The following XRN1 variants were observed in gnomAD, a reference collection of about 807,000 sequenced individuals.
The protein encoded by XRN1 is strand-exchange protein 1 homolog.
XRN1 carries 67 observed loss-of-function variants against 222.3 expected under a neutral mutation model. That is an observed-to-expected ratio of 0.30 (90% CI 0.25 to 0.37). XRN1 has a LOEUF of 0.37. Ranked by LOEUF, XRN1 falls within the 10% of genes least tolerant of loss-of-function variation. XRN1 has a pLI of 1.00. For synonymous variants in XRN1, 643 were observed against 652.4 expected, an observed-to-expected ratio of 0.99 and a Z score of 0.22; for missense variants, 1,707 against 2,000.2, an observed-to-expected ratio of 0.85 and a Z score of 2.80.
At chr3:142,376,881 G>GT (rs1290332063) in intron 23 of XRN1, among the ~76,000 whole-genome samples, 1 of 152,038 alleles carries the variant, frequency 6.6e-6, no homozygotes, top group African/African-American at 2.4e-5. Flanking sequence ...AAACTCTACT[G>GT]TAAGTACTAA....
chr3:142,343,361 G>C (rs1284079280), intron 33 of XRN1, among the ~76,000 whole-genome samples: 1 of 151,982 alleles, frequency 6.6e-6, no homozygotes, highest in East Asian at 1.9e-4. Context: ...GGCTGAGGCA[G>C]GAGAATCGCT....
intron 19 of XRN1, among the ~76,000 whole-genome samples, chr3:142,398,434 A>G (rs2068011874): frequency 6.6e-6 from 1 of 151,306 alleles, no homozygotes; most frequent in Admixed American, 6.6e-5. Flanking sequence ...TGGAGTGATC[A>G]TAGCTCACTG....
intron 37 of XRN1, among the ~76,000 whole-genome samples, chr3:142,324,494 G>A (rs1354490298): frequency 4.0e-5 from 6 of 151,866 alleles, no homozygotes; most frequent in Non-Finnish European, 2.9e-5. Flanking sequence ...CCAGTCTATC[G>A]TTGTTGGACA....
chr3:142,390,741 T>G (rs993185131), intron 20 of XRN1, among the ~76,000 whole-genome samples: 1 of 152,260 alleles, frequency 6.6e-6, no homozygotes, highest in Non-Finnish European at 1.5e-5. Flanking sequence ...AACTATTTGG[T>G]GCAAGAAGCC....
chr3:142,315,303 T>C (rs1300847853), intron 39 of XRN1, among the ~76,000 whole-genome samples: 2 of 152,008 alleles, frequency 1.3e-5, no homozygotes, highest in East Asian at 3.9e-4. Flanking sequence ...ATAAACAATG[T>C]TTTGTTTTGG....
In XRN1 at chr3:142,432,822, A is replaced by G. The variant is rs1371635479; in HGVS notation, c.147T>C (p.Asp49=). The G allele has an allele frequency of 1.2e-6, 2 of 1,614,044 alleles. No homozygotes were observed. Among genetic ancestry groups the G allele is most frequent in the Admixed American group, 3.3e-5 (2 of 60,020 alleles). ...CATCTGAAATTCTAAAGTGAACATC[A>G]TCATCATTAGGATGGGAGCACTGAT... ...IIHQCSHPND[D]DVHFRISDDK... is the part of the protein sequence containing the mutation. Residue 49 remains aspartate (D), a synonymous_variant, in exon 2 of 41, where the codon GAT becomes GAC. Transcript: ENST00000392981.
At chr3:142,412,274 T>G (rs1234727431) in intron 15 of XRN1, among the ~76,000 whole-genome samples, 1 of 152,234 alleles carries the variant, frequency 6.6e-6, no homozygotes, top group Non-Finnish European at 1.5e-5. Context: ...CTTCTTGAAC[T>G]GAACTGACTC....
At chr3:142,312,221 G>A (rs2065096608) in intron 40 of XRN1, among the ~76,000 whole-genome samples, 1 of 152,048 alleles carries the variant, frequency 6.6e-6, no homozygotes, top group Non-Finnish European at 1.5e-5. Context: ...AGGCTGCAGG[G>A]AGTCGAGATT....
At chr3:142,346,834 C>T (rs1194733905) in intron 33 of XRN1, among the ~76,000 whole-genome samples, 4 of 152,116 alleles carry the variant, frequency 2.6e-5, no homozygotes, top group Admixed American at 2.6e-4. Flanking sequence ...GTGGAACCCA[C>T]AGGTACAGAG....
intron 24 of XRN1, 100 bp from the exon 25 acceptor site, chr3:142,376,044 A>G (rs897203639): frequency 7.1e-7 from 1 of 1,407,964 alleles, no homozygotes; most frequent in African/African-American, 1.5e-5. Context: ...TTTTGCTTTC[A>G]ATTCTTAGAA....
chr3:142,315,983 G>T (rs1258807092), intron 39 of XRN1, among the ~76,000 whole-genome samples: 1 of 151,878 alleles, frequency 6.6e-6, no homozygotes, highest in Non-Finnish European at 1.5e-5. Flanking sequence ...ACAAAATTTA[G>T]TTTTTTTGCA....
chr3:142,365,460 G>C, intron 27 of XRN1, 94 bp from the exon 28 acceptor site: 1 of 882,050 alleles, frequency 1.1e-6, no homozygotes, highest in Non-Finnish European at 1.6e-6. Flanking sequence ...ATTTTAAAAA[G>C]CCAAATGAAG....
chr3:142,384,604 T>G lies in XRN1; in HGVS notation c.2421A>C (p.Gln807His). The change falls in exon 21 of 41, where the codon CAA (glutamine) becomes CAC (histidine). Residue 807 changes from glutamine (Q) to histidine (H), a missense_variant. Coordinates refer to ENST00000392981, the MANE Select transcript of XRN1 (RefSeq NM_001282857.2). ...GACGAACTTCACCATTTTGATTTAT[T>G]TGATATTTACGACCTGTGAGTAACT... ...YAQLLTGRKYQINQNGEVRLE... is the reference protein window; with the variant it reads ...YAQLLTGRKYHINQNGEVRLE... 1 of 1,613,322 alleles carries G rather than the reference T, an allele frequency of 6.2e-7. No homozygotes were observed. The highest frequency in any genetic ancestry group is 8.5e-7 in the Non-Finnish European group (1 of 1,179,668).
In XRN1 at chr3:142,414,119, C is replaced by T; in HGVS notation, c.1593+16G>A. 1 of 1,582,646 alleles carries T rather than the reference C, an allele frequency of 6.3e-7. No individual in the cohort carries two copies. ...ATATCAAAAAGGACATAAAAACATT[C>T]AATTCTAAGACCCACCTGGTAGCAT... On this transcript the variant is annotated intron_variant, in intron 14 of 40. Coordinates refer to ENST00000392981, the MANE Select transcript of XRN1 (RefSeq NM_001282857.2).
At chr3:142,430,277 T>G (rs1363152499) in intron 2 of XRN1, among the ~76,000 whole-genome samples, 1 of 152,176 alleles carries the variant, frequency 6.6e-6, no homozygotes, top group Admixed American at 6.5e-5. Context: ...ATTACACCCC[T>G]TTTTGTCTGA....
At chr3:142,379,968 C>T in intron 23 of XRN1, 114 bp downstream of exon 23, 1 of 790,942 alleles carries the variant, frequency 1.3e-6, no homozygotes, top group East Asian at 2.7e-5. Context: ...GAGAGAGAAT[C>T]TAATCATTAT....
chr3:142,404,063 G>T, intron 16 of XRN1, 74 bp from the exon 17 acceptor site: 1 of 1,265,996 alleles, frequency 7.9e-7, no homozygotes, highest in African/African-American at 1.5e-5. Flanking sequence ...ACTTTCCCTT[G>T]TATATTTCGT....
chr3:142,441,901 C>A (rs1038774901), intron 1 of XRN1, among the ~76,000 whole-genome samples: 1 of 152,120 alleles, frequency 6.6e-6, no homozygotes, highest in Non-Finnish European at 1.5e-5. Context: ...ATACTGAATT[C>A]GCATACAATT....
At chr3:142,337,211 G>A (rs577742911) in intron 33 of XRN1, among the ~76,000 whole-genome samples, 3 of 152,238 alleles carry the variant, frequency 2.0e-5, no homozygotes, top group Admixed American at 2.0e-4. Flanking sequence ...GTCTCTGCTG[G>A]AATCTCATCT....
Sources: gnomAD v4.1 joint callset for allele counts (sites outside exome capture counted in the v4.1 genomes callset) on GRCh38, gnomAD v4.1.1 for gene constraint, MANE v1.5 for transcripts, NCBI Gene and HGNC (gene_info 2026-07-23, HGNC 2026-07-21) for gene names.